The following CRYM variants were observed in gnomAD, a reference collection of about 807,000 sequenced individuals.
The protein encoded by CRYM is ketimine reductase mu-crystallin.
In CRYM, 18 loss-of-function variants were observed where a neutral mutation model predicts 32.9. The ratio of observed to expected loss-of-function variants is 0.55; its 90% CI spans 0.38 to 0.81. The LOEUF is 0.81. CRYM is among the 30% of genes least tolerant of loss of function. The probability of loss-of-function intolerance (pLI) is 0.00; values close to 1 mark genes in which losing one functional copy is unlikely to be tolerated. For synonymous variants in CRYM, 153 were observed against 152.4 expected (o/e 1.00, Z -0.03); for missense variants, 337 against 393.5 (o/e 0.86, Z 1.21).
intron 5 of CRYM, among the ~76,000 whole-genome samples, chr16:21,265,095 C>T (rs1471917733): frequency 3.9e-5 from 6 of 152,128 alleles, no homozygotes; most frequent in Non-Finnish European, 5.9e-5. Context: ...AAGATGCAGC[C>T]TTGGAAACCC....
chr16:21,288,909 C>T (rs1960541979), intron 1 of CRYM, among the ~76,000 whole-genome samples: 1 of 152,044 alleles, frequency 6.6e-6, no homozygotes, highest in African/African-American at 2.4e-5. Context: ...AGATTTCCTT[C>T]TGTTACTGAT....
At chr16:21,268,566 A>C (rs183418130) in intron 4 of CRYM, 2 of 152,342 alleles carry the variant, frequency 1.3e-5, no homozygotes, top group East Asian at 3.9e-4. Context: ...CTTTATGTCT[A>C]AGCAAGTTCA....
intron 3 of CRYM, among the ~76,000 whole-genome samples, chr16:21,271,579 G>A (rs2629093): frequency 0.32 from 48,504 of 152,052 alleles, 9,269 homozygotes; most frequent in African/African-American, 0.53. Context: ...ATAGTTTAAC[G>A]TCTCTGATTT....
intron 4 of CRYM, chr16:21,268,659 C>CA (rs2093368921): frequency 6.6e-6 from 1 of 152,030 alleles, no homozygotes; most frequent in Non-Finnish European, 1.5e-5. Context: ...GAAGACTATG[C>CA]AAATTTTATG....
chr16:21,301,608 C>CG (rs1447900475), intron 1 of CRYM, among the ~76,000 whole-genome samples: 2 of 152,324 alleles, frequency 1.3e-5, no homozygotes, highest in African/African-American at 4.8e-5. Flanking sequence ...GGCGCACGTG[C>CG]GGAAGAGGGA....
chr16:21,290,647 A>C (rs1567240341), intron 1 of CRYM, among the ~76,000 whole-genome samples: 1 of 152,220 alleles, frequency 6.6e-6, no homozygotes, highest in Non-Finnish European at 1.5e-5. Flanking sequence ...TCAGTCTTGA[A>C]GTCTTACAGT....
intron 1 of CRYM, among the ~76,000 whole-genome samples, chr16:21,285,769 C>G (rs561412049): frequency 6.6e-6 from 1 of 152,156 alleles, no homozygotes; most frequent in Admixed American, 6.5e-5. Flanking sequence ...AAGGCAAATG[C>G]TTCAAATTTG....
rs2093371636 is a variant in CRYM at position 21,269,878 on chromosome 16, G to A, written c.401C>T (p.Pro134Leu). Residue 134 changes from proline (P) to leucine (L), a missense_variant, in exon 4 of 8, where the codon CCC becomes CTC. By Grantham distance (98) the Pro-to-Leu change is moderately conservative (BLOSUM62 -3). Coordinates refer to ENST00000572914, the MANE Select transcript of CRYM (RefSeq NM_001376256.1). The part of the protein sequence containing the change: ...SAIATKFLKP[P>L]SSEVLCILGA... ...AAGGATGCACAGCACTTCACTGCTG[G>A]GAGGTTTCAGAAACTATATGAGAGA... 6.2e-7 allele frequency: 1 copy of A among 1,613,290 alleles called. No homozygotes were observed. The highest frequency in any genetic ancestry group is 1.3e-5 in the African/African-American group (1 of 74,796).
chr16:21,294,392 T>A (rs1960740813), intron 1 of CRYM, among the ~76,000 whole-genome samples: 1 of 152,218 alleles, frequency 6.6e-6, no homozygotes, highest in South Asian at 2.1e-4. Flanking sequence ...TGTGCAGGTT[T>A]ATTACATAGG....
chr16:21,258,953 C>G, intron 7 of CRYM, 108 bp from the exon 8 acceptor site: 1 of 858,674 alleles, frequency 1.2e-6, no homozygotes. Flanking sequence ...TTGCCAATGC[C>G]TATTGGAATA....
chr16:21,260,735 C>T (rs1472577064), intron 7 of CRYM, among the ~76,000 whole-genome samples: 1 of 152,190 alleles, frequency 6.6e-6, no homozygotes, highest in Non-Finnish European at 1.5e-5. Flanking sequence ...TGGTAGGGGG[C>T]TCCCCATGGA....
intron 1 of CRYM, among the ~76,000 whole-genome samples, chr16:21,289,654 C>T (rs1960568370): frequency 6.6e-6 from 1 of 151,962 alleles, no homozygotes; most frequent in Admixed American, 6.6e-5. Flanking sequence ...GCAAACTTAC[C>T]CTCTACCTCC....
chr16:21,269,963 G>A, intron 3 of CRYM, 72 bp from the exon 4 acceptor site: 1 of 1,034,482 alleles, frequency 9.7e-7, no homozygotes, highest in Non-Finnish European at 1.5e-6. Context: ...AAGATGGTTT[G>A]AGTATCAGGT....
At chr16:21,291,005 T>C (rs1960638309) in intron 1 of CRYM, among the ~76,000 whole-genome samples, 1 of 152,194 alleles carries the variant, frequency 6.6e-6, no homozygotes, top group South Asian at 2.1e-4. Context: ...CAACACAAAC[T>C]ATGTTTCAAG....
chr16:21,284,127 G>A (rs944583176), intron 1 of CRYM: 3 of 151,870 alleles, frequency 2.0e-5, no homozygotes, highest in African/African-American at 7.3e-5. Flanking sequence ...GGGACTTAGG[G>A]TTGAATTTTA....
chr16:21,262,233 G>A, intron 5 of CRYM, 75 bp from the exon 6 acceptor site: 1 of 1,598,296 alleles, frequency 6.3e-7, no homozygotes, highest in Admixed American at 1.7e-5. Context: ...GCACAGGAGA[G>A]AGGTGAACAA....
upstream of CRYM, among the ~76,000 whole-genome samples, chr16:21,281,164 G>A (rs1291505301): frequency 6.7e-6 from 1 of 148,670 alleles, no homozygotes; most frequent in African/African-American, 2.5e-5. Context: ...AAACATATAT[G>A]TATATACATA....
chr16:21,283,265 A>G (rs371501622), upstream of CRYM, among the ~76,000 whole-genome samples: 59 of 152,348 alleles, frequency 3.9e-4, 1 homozygote, highest in African/African-American at 1.4e-3. Context: ...GGATTCACTC[A>G]GTAGTCATGA....
At chr16:21,290,853 A>G (rs1960632718) in intron 1 of CRYM, among the ~76,000 whole-genome samples, 1 of 151,814 alleles carries the variant, frequency 6.6e-6, no homozygotes, top group Non-Finnish European at 1.5e-5. Context: ...ATTTCCTATC[A>G]CATCTTTGCT....
Sources: allele counts gnomAD v4.1 joint callset (sites outside exome capture counted in the v4.1 genomes callset), GRCh38; gene constraint gnomAD v4.1.1; transcripts MANE v1.5; gene names NCBI Gene and HGNC (gene_info 2026-07-23, HGNC 2026-07-21).